Variants in TRPM3 observed in about 807,000 individuals in gnomAD.
TRPM3 encodes the protein long transient receptor potential channel 3.
In TRPM3, 77 loss-of-function variants were observed where a neutral mutation model predicts 181.2. The ratio of observed to expected loss-of-function variants is 0.42; its 90% CI spans 0.35 to 0.51. TRPM3 has a LOEUF of 0.51. Ranked by LOEUF, TRPM3 falls within the 20% of genes least tolerant of loss-of-function variation. The probability of loss-of-function intolerance (pLI) is 0.01; values close to 1 mark genes in which losing one functional copy is unlikely to be tolerated. For missense variants in TRPM3, 1,759 were observed against 2,196.7 expected, an observed-to-expected ratio of 0.80 and a Z score of 3.98; for synonymous variants, 745 against 796.4, an observed-to-expected ratio of 0.94 and a Z score of 1.09.
chr9:70,899,610 T>C (rs2096352776), intron 1 of TRPM3, among the ~76,000 whole-genome samples: 1 of 152,122 alleles, frequency 6.6e-6, no homozygotes, highest in Non-Finnish European at 1.5e-5. Flanking sequence ...TGCAAAACTT[T>C]TAATTGATGA....
At chr9:71,375,248 C>T (rs886150942) in intron 1 of TRPM3, among the ~76,000 whole-genome samples, 12 of 152,150 alleles carry the variant, frequency 7.9e-5, no homozygotes, top group Non-Finnish European at 8.8e-5. Context: ...TTCGACAAAT[C>T]TGACTTAAAC....
At chr9:70,914,005 G>A (rs1363134402) in intron 1 of TRPM3, among the ~76,000 whole-genome samples, 2 of 152,174 alleles carry the variant, frequency 1.3e-5, no homozygotes, top group Non-Finnish European at 2.9e-5. Context: ...TTAGATCACA[G>A]CCTTCAATGA....
chr9:71,080,720 T>C (rs534194143), intron 1 of TRPM3, among the ~76,000 whole-genome samples: 2 of 152,268 alleles, frequency 1.3e-5, no homozygotes, highest in East Asian at 1.9e-4. Context: ...AGTATTCCCA[T>C]GCTTGAGGAA....
intron 1 of TRPM3, among the ~76,000 whole-genome samples, chr9:70,920,949 T>A (rs2096647750): frequency 6.6e-6 from 1 of 151,870 alleles, no homozygotes; most frequent in East Asian, 1.9e-4. Context: ...ACCAGAGGAA[T>A]GTTGCCAAAC....
intron 1 of TRPM3, among the ~76,000 whole-genome samples, chr9:70,884,667 C>T (rs528270220): frequency 6.6e-6 from 1 of 152,156 alleles, no homozygotes; most frequent in Non-Finnish European, 1.5e-5. Flanking sequence ...TTTGCAACAT[C>T]CTAAATGTGT....
At chr9:71,064,795 C>T (rs762602359) in intron 1 of TRPM3, among the ~76,000 whole-genome samples, 3 of 152,040 alleles carry the variant, frequency 2.0e-5, no homozygotes, top group Non-Finnish European at 4.4e-5. Flanking sequence ...AATATTTGAG[C>T]CAAAATTCCA....
At chr9:70,595,491 T>A (rs1309867314) in intron 21 of TRPM3, among the ~76,000 whole-genome samples, 2 of 152,212 alleles carry the variant, frequency 1.3e-5, no homozygotes, top group Non-Finnish European at 2.9e-5. Context: ...CAGGACAGCT[T>A]CCTAAAATAA....
At chr9:71,368,810 A>G (rs2092421979) in intron 1 of TRPM3, among the ~76,000 whole-genome samples, 1 of 152,230 alleles carries the variant, frequency 6.6e-6, no homozygotes, top group Non-Finnish European at 1.5e-5. Flanking sequence ...GACAAACACT[A>G]ATAAGTAAAT....
intron 1 of TRPM3, among the ~76,000 whole-genome samples, chr9:71,224,133 G>T (rs2080425269): frequency 6.6e-6 from 1 of 152,224 alleles, no homozygotes; most frequent in Admixed American, 6.5e-5. Context: ...AGTACCAGTG[G>T]TGGTGGGGCC....
At chr9:70,616,109 C>A (rs1288164663) in intron 17 of TRPM3, 34 bp from the exon 18 acceptor site, 1 of 1,465,778 alleles carries the variant, frequency 6.8e-7, no homozygotes, top group East Asian at 2.5e-5. Context: ...ATAATAATCA[C>A]ATTTAAAGGA....
chr9:70,908,671 G>A (rs1017069444), intron 1 of TRPM3, among the ~76,000 whole-genome samples: 1 of 152,166 alleles, frequency 6.6e-6, no homozygotes, highest in African/African-American at 2.4e-5. Flanking sequence ...AGATTCAAAT[G>A]GCGGATGCAA....
At chr9:71,116,578 T>C (rs2134297488) in intron 1 of TRPM3, among the ~76,000 whole-genome samples, 1 of 152,246 alleles carries the variant, frequency 6.6e-6, no homozygotes, top group Non-Finnish European at 1.5e-5. Flanking sequence ...TATAGAAGTG[T>C]AAAACATTAG....
chr9:70,787,766 T>TTTTTTTTTTTTTTTTTTC (rs2084169291), intron 6 of TRPM3, among the ~76,000 whole-genome samples: 1 of 33,728 alleles, frequency 3.0e-5, no homozygotes, highest in Non-Finnish European at 6.0e-5. Context: ...TTGGATTCTT[T>TTTTTTTTTTTTTTTTTTC]TTTTTTTTTT....
intron 1 of TRPM3, among the ~76,000 whole-genome samples, chr9:71,213,335 G>C (rs2079631363): frequency 6.6e-6 from 1 of 151,556 alleles, no homozygotes; most frequent in South Asian, 2.1e-4. Context: ...ATCCCAGTTT[G>C]TGGGCTCTAA....
At chr9:71,201,861 A>C (rs1390055513) in intron 1 of TRPM3, among the ~76,000 whole-genome samples, 3 of 152,078 alleles carry the variant, frequency 2.0e-5, no homozygotes, top group African/African-American at 7.2e-5. Flanking sequence ...GCTTTGTTCC[A>C]TTGCTGGTGA....
chr9:71,228,849 T>C (rs549732540), intron 1 of TRPM3, among the ~76,000 whole-genome samples: 7 of 152,322 alleles, frequency 4.6e-5, no homozygotes, highest in Middle Eastern at 3.4e-3. Context: ...TATTCCATGT[T>C]CATGGACTGG....
chr9:70,543,946 C>T (rs1234209532), intron 25 of TRPM3, among the ~76,000 whole-genome samples: 4 of 152,168 alleles, frequency 2.6e-5, no homozygotes, highest in African/African-American at 9.7e-5. Flanking sequence ...GGGACTCACT[C>T]TGTGGCAGTG....
intron 22 of TRPM3, among the ~76,000 whole-genome samples, chr9:70,570,702 T>C (rs1448220094): frequency 1.3e-5 from 2 of 152,194 alleles, no homozygotes; most frequent in African/African-American, 4.8e-5. Context: ...ATTAAGTAGA[T>C]TGAATATCGG....
At chr9:71,157,158 A>G (rs1430154284) in intron 1 of TRPM3, among the ~76,000 whole-genome samples, 1 of 152,156 alleles carries the variant, frequency 6.6e-6, no homozygotes, top group Non-Finnish European at 1.5e-5. Flanking sequence ...ATTAATAGAA[A>G]ATGAATAACA....
Sources: gnomAD v4.1 joint callset for allele counts (sites outside exome capture counted in the v4.1 genomes callset) on GRCh38, gnomAD v4.1.1 for gene constraint, MANE v1.5 for transcripts, NCBI Gene and HGNC (gene_info 2026-07-23, HGNC 2026-07-21) for gene names.